The following ZNF385B variants were observed in gnomAD, a reference collection of about 807,000 sequenced individuals.
ZNF385B encodes the protein zinc finger protein 385B.
Under a neutral mutation model 39.2 loss-of-function variants are expected in ZNF385B, and 23 were observed. The observed-to-expected ratio is 0.59, with a 90% confidence interval of 0.42 to 0.83. ZNF385B has a LOEUF of 0.83. ZNF385B is among the 40% of genes least tolerant of loss of function. The pLI is 0.00. For missense variants in ZNF385B, 552 were observed against 598.9 expected (o/e 0.92, Z 0.82); for synonymous variants, 205 against 222.6 (o/e 0.92, Z 0.70).
At chr2:179,580,436 A>G (rs1298037627) in intron 3 of ZNF385B, among the ~76,000 whole-genome samples, 1 of 152,162 alleles carries the variant, frequency 6.6e-6, no homozygotes, top group East Asian at 1.9e-4. Context: ...TGAAAGAAAG[A>G]CCAGTGTTAT....
intron 3 of ZNF385B, among the ~76,000 whole-genome samples, chr2:179,751,800 T>C (rs1288176944): frequency 6.6e-6 from 1 of 152,116 alleles, no homozygotes; most frequent in African/African-American, 2.4e-5. Flanking sequence ...TCCAAACTAC[T>C]ACTCCACTTC....
intron 3 of ZNF385B, among the ~76,000 whole-genome samples, chr2:179,664,868 TG>T (rs1307551740): frequency 6.6e-6 from 1 of 152,222 alleles, no homozygotes; most frequent in Non-Finnish European, 1.5e-5. Context: ...GCAGGATTTT[TG>T]TTTATTATTT....
chr2:179,566,762 C>T lies in ZNF385B; in HGVS notation c.299-21793G>A, dbSNP rs1684625689. On this transcript the variant is annotated intron_variant, in intron 3 of 9. Coordinates refer to ENST00000410066, the MANE Select transcript of ZNF385B (RefSeq NM_152520.6). The stretch of plus-strand genomic sequence containing the variant: ...TGAATTAATTTTAAATGGACTATGG[C>T]TTCTGATTCTTCAGCTTCAGTTCCT... 2.0e-5 allele frequency among the ~76,000 whole-genome samples: 3 copies of T among 152,098 alleles called. No individual in the cohort carries two copies. The South Asian group carries it at 6.2e-4, about 32-fold the overall frequency.
chr2:179,564,916 G>C (rs1684381622), intron 3 of ZNF385B, among the ~76,000 whole-genome samples: 1 of 152,032 alleles, frequency 6.6e-6, no homozygotes, highest in Non-Finnish European at 1.5e-5. Flanking sequence ...CTTCTCTGCT[G>C]GTCTTTACTT....
intron 1 of ZNF385B, among the ~76,000 whole-genome samples, chr2:179,773,512 G>A (rs752535807): frequency 2.6e-5 from 4 of 152,110 alleles, no homozygotes; most frequent in African/African-American, 7.2e-5. Flanking sequence ...TCCCTCGCTC[G>A]AGTCTCTTCT....
chr2:179,810,872 C>G (rs77150333), intron 1 of ZNF385B, among the ~76,000 whole-genome samples: 1,906 of 152,116 alleles, frequency 0.013, 37 homozygotes, highest in African/African-American at 0.043. Flanking sequence ...CAAACTGTCC[C>G]TCCTCACTGA....
At chr2:179,644,079 T>G (rs1484466382) in intron 3 of ZNF385B, among the ~76,000 whole-genome samples, 1 of 152,054 alleles carries the variant, frequency 6.6e-6, no homozygotes, top group African/African-American at 2.4e-5. Flanking sequence ...TTAACCATAT[T>G]TGAGAACTGC....
At chr2:179,664,882 C>A (rs1284691960) in intron 3 of ZNF385B, among the ~76,000 whole-genome samples, 1 of 151,924 alleles carries the variant, frequency 6.6e-6, no homozygotes, top group Non-Finnish European at 1.5e-5. Context: ...TATTATTTAC[C>A]ATTTTCTGTG....
Position 179,782,798 on chromosome 2 carries a change from G to A in ZNF385B, c.-154-12126C>T, listed in dbSNP as rs542281136. Among the ~76,000 whole-genome samples the A allele has an allele frequency of 2.7e-4, 41 of 152,218 alleles. 1 individual carries two copies. The South Asian group carries it at 8.5e-3, about 32-fold the overall frequency. On this transcript the variant is annotated intron_variant, in intron 1 of 9. Coordinates refer to ENST00000410066, the MANE Select transcript of ZNF385B (RefSeq NM_152520.6). ...CAGGGAGGTGGAGGATCTCTATGAT[G>A]AGAATTATAAAACACTGCTCAAAGA... is the stretch of plus-strand genomic sequence containing the variant.
chr2:179,764,652 T>C (rs1041628480), intron 3 of ZNF385B, among the ~76,000 whole-genome samples: 1 of 152,236 alleles, frequency 6.6e-6, no homozygotes, highest in Non-Finnish European at 1.5e-5. Context: ...GATATACACA[T>C]GTGACTTATG....
intron 1 of ZNF385B, among the ~76,000 whole-genome samples, chr2:179,804,746 C>T (rs540623046): frequency 2.0e-5 from 3 of 152,192 alleles, no homozygotes; most frequent in East Asian, 1.9e-4. Context: ...CTTACTACTT[C>T]GAACACACCT....
intron 3 of ZNF385B, among the ~76,000 whole-genome samples, chr2:179,579,330 T>C (rs3106715): frequency 0.6 from 91,717 of 151,724 alleles, 28,552 homozygotes; most frequent in East Asian, 0.9. Context: ...TGGTGTGAGA[T>C]AAAAACTAAG....
intron 3 of ZNF385B, among the ~76,000 whole-genome samples, chr2:179,640,801 T>C (rs1692198512): frequency 6.6e-6 from 1 of 152,054 alleles, no homozygotes; most frequent in Non-Finnish European, 1.5e-5. Context: ...ACAAAAAAAA[T>C]CTTAAGTAAC....
intron 3 of ZNF385B, among the ~76,000 whole-genome samples, chr2:179,751,457 CAT>C (rs1422942485): frequency 1.3e-5 from 2 of 152,040 alleles, no homozygotes; most frequent in African/African-American, 2.4e-5. Flanking sequence ...TCTGGGAAAA[CAT>C]ATTTGAGGAT....
chr2:179,712,358 T>C (rs1462619738), intron 3 of ZNF385B, among the ~76,000 whole-genome samples: 1 of 152,180 alleles, frequency 6.6e-6, no homozygotes, highest in Admixed American at 6.5e-5. Flanking sequence ...ACCCTACTAC[T>C]AGCCTCCTTG....
intron 1 of ZNF385B, among the ~76,000 whole-genome samples, chr2:179,853,647 T>C (rs1338394780): frequency 6.6e-6 from 1 of 152,250 alleles, no homozygotes; most frequent in Non-Finnish European, 1.5e-5. Context: ...GAAATCAGTG[T>C]ACCTGCAAGT....
intron 3 of ZNF385B, among the ~76,000 whole-genome samples, chr2:179,643,899 T>A (rs750640280): frequency 1.6e-4 from 24 of 152,234 alleles, no homozygotes; most frequent in Non-Finnish European, 2.6e-4. Context: ...TATAGCACAA[T>A]GTTAGCTCAC....
chr2:179,614,505 C>T (rs1177933848), intron 3 of ZNF385B, among the ~76,000 whole-genome samples: 1 of 152,128 alleles, frequency 6.6e-6, no homozygotes, highest in East Asian at 1.9e-4. Flanking sequence ...AAGGGGTTTT[C>T]TGTTTTTCTG....
At chr2:179,467,912 C>T (rs767845900) in intron 6 of ZNF385B, among the ~76,000 whole-genome samples, 6 of 152,188 alleles carry the variant, frequency 3.9e-5, no homozygotes, top group Admixed American at 2.0e-4. Flanking sequence ...CTGCATCATA[C>T]TCACATCTTC....
Sources: allele counts gnomAD v4.1 joint callset (sites outside exome capture counted in the v4.1 genomes callset), GRCh38; gene constraint gnomAD v4.1.1; transcripts MANE v1.5; gene names NCBI Gene and HGNC (gene_info 2026-07-23, HGNC 2026-07-21).